The following DDC variants were observed in gnomAD, a reference collection of about 807,000 sequenced individuals.
DDC encodes aromatic-L-amino-acid decarboxylase.
Under a neutral mutation model 60.0 loss-of-function variants are expected in DDC, and 43 were observed. The ratio of observed to expected loss-of-function variants is 0.72; its 90% CI spans 0.56 to 0.92. The LOEUF is 0.92. Among genes scored for constraint, DDC ranks in the 40% least tolerant of loss-of-function variants. DDC has a pLI of 0.00. For missense variants in DDC, 573 were observed against 620.2 expected (o/e 0.92, Z 0.81); for synonymous variants, 232 against 234.6 (o/e 0.99, Z 0.10).
chr7:50,547,100 C>T (rs1465503777), intron 1 of DDC, among the ~76,000 whole-genome samples: 1 of 152,196 alleles, frequency 6.6e-6, no homozygotes, highest in Non-Finnish European at 1.5e-5. Flanking sequence ...ATTAATATGA[C>T]TCAAATTTTT....
At position 50,539,989 on chromosome 7, in the gene DDC, G is replaced by A; in HGVS notation, c.241C>T (p.Pro81Ser). The change falls in exon 3 of 15, where the codon CCC becomes TCC. Residue 81 changes from proline to serine, a missense_variant. Coordinates refer to ENST00000444124, the MANE Select transcript of DDC (RefSeq NM_001082971.2). ...ATGGCCGGGTACGAGCTGGCAGTGG[G>A]GAAGTAGGCGAAGAAGTAGGGGCTG... is the stretch of plus-strand genomic sequence containing the variant. Reference protein sequence around the residue: ...WHSPYFFAYFPTASSYPAMLA... With the variant: ...WHSPYFFAYFSTASSYPAMLA... 6.2e-7 allele frequency: 1 copy of A among 1,614,068 alleles called. No homozygotes were observed. Among genetic ancestry groups the A allele is most frequent in the African/African-American group, 1.3e-5 (1 of 75,058 alleles).
intron 9 of DDC, among the ~76,000 whole-genome samples, chr7:50,486,659 G>C (rs1351416968): frequency 1.3e-5 from 2 of 152,106 alleles, no homozygotes; most frequent in African/African-American, 4.8e-5. Flanking sequence ...GAATATGACT[G>C]ACTGTATTTG....
chr7:50,480,000 G>A lies in DDC; in HGVS notation c.945-137C>T, dbSNP rs543139468. On this transcript the variant is annotated intron_variant, in intron 9 of 14. Coordinates refer to ENST00000444124, the MANE Select transcript of DDC (RefSeq NM_001082971.2). ...AACACCACTCTGCCTGCACGGCCCT[G>A]TCTCTGCTCCAAGTACCTGGGGAGG... The A allele has an allele frequency of 7.0e-6, 5 of 709,798 alleles. No individual in the cohort carries two copies. In the East Asian group the frequency reaches 1.1e-4, roughly 15 times the overall value. The allele number at this position is 709,798 out of a possible 1,614,324, so 44.0% of individuals were successfully genotyped here.
chr7:50,482,288 T>C (rs538991347), intron 9 of DDC, among the ~76,000 whole-genome samples: 2 of 152,382 alleles, frequency 1.3e-5, no homozygotes, highest in African/African-American at 4.8e-5. Flanking sequence ...TTTACATTTC[T>C]GATTACTAAG....
intron 7 of DDC, among the ~76,000 whole-genome samples, chr7:50,503,346 C>T (rs563439271): frequency 1.3e-5 from 2 of 152,340 alleles, no homozygotes; most frequent in Admixed American, 6.5e-5. Context: ...CCCAGAGCTA[C>T]ATGTCAAAGG....
chr7:50,505,634 C>T (rs924714227), intron 6 of DDC, among the ~76,000 whole-genome samples: 6 of 152,232 alleles, frequency 3.9e-5, no homozygotes, highest in Non-Finnish European at 5.9e-5. Flanking sequence ...AGTCAGCCTG[C>T]AGAAGGTTCG....
intron 2 of DDC, among the ~76,000 whole-genome samples, chr7:50,541,794 CATTT>C (rs2044642777): frequency 6.6e-6 from 1 of 152,212 alleles, no homozygotes; most frequent in Admixed American, 6.5e-5. Context: ...GAGATGCAAA[CATTT>C]ATTTCTCAAT....
intron 9 of DDC, chr7:50,492,729 T>C: frequency 7.4e-7 from 1 of 1,360,062 alleles, no homozygotes; most frequent in Non-Finnish European, 9.5e-7. Context: ...CATCCCTGTG[T>C]GTCCTGTGTC....
chr7:50,500,823 G>C (rs1024149825), intron 7 of DDC, among the ~76,000 whole-genome samples: 6 of 152,210 alleles, frequency 3.9e-5, no homozygotes, highest in African/African-American at 1.4e-4. Context: ...TCAGCTTTGT[G>C]GAGGACTGTG....
At chr7:50,489,487 A>G (rs925302080) in intron 9 of DDC, among the ~76,000 whole-genome samples, 1 of 152,214 alleles carries the variant, frequency 6.6e-6, no homozygotes, top group African/African-American at 2.4e-5. Flanking sequence ...TCATTGTACT[A>G]TTACAGGACT....
chr7:50,535,529 G>A (rs936616949), intron 4 of DDC, among the ~76,000 whole-genome samples: 1 of 152,230 alleles, frequency 6.6e-6, no homozygotes, highest in Non-Finnish European at 1.5e-5. Context: ...GGAGGAGCAC[G>A]TGGAGGGATG....
At chr7:50,472,393 C>T (rs2042553603) in intron 11 of DDC, among the ~76,000 whole-genome samples, 1 of 152,190 alleles carries the variant, frequency 6.6e-6, no homozygotes, top group African/African-American at 2.4e-5. Context: ...TTTGATGCTT[C>T]CCGGACATCA....
At chr7:50,504,137 C>T in intron 6 of DDC, 78 bp from the exon 7 acceptor site, 1 of 999,318 alleles carries the variant, frequency 1.0e-6, no homozygotes, top group Non-Finnish European at 1.6e-6. Context: ...GCAACTGCTG[C>T]CCCATGGTCC....
intron 1 of DDC, among the ~76,000 whole-genome samples, chr7:50,548,796 AT>A (rs1235605559): frequency 1.3e-5 from 2 of 152,352 alleles, no homozygotes; most frequent in South Asian, 2.1e-4. Flanking sequence ...ATAGCCTTCT[AT>A]TGGAACAAGA....
At chr7:50,545,665 G>A (rs2044778837) in intron 1 of DDC, among the ~76,000 whole-genome samples, 1 of 152,116 alleles carries the variant, frequency 6.6e-6, no homozygotes. Context: ...TAGAGGCGGG[G>A]TTTCACCACA....
chr7:50,532,935 C>T (rs1173601374), intron 4 of DDC, among the ~76,000 whole-genome samples: 4 of 152,154 alleles, frequency 2.6e-5, no homozygotes, highest in African/African-American at 7.2e-5. Context: ...AGGTGATCAT[C>T]TTGGAAGATT....
intron 9 of DDC, 73 bp from the exon 10 acceptor site, chr7:50,479,936 C>A: frequency 8.2e-7 from 1 of 1,216,830 alleles, no homozygotes; most frequent in South Asian, 1.3e-5. Context: ...CCTCTCCCCA[C>A]CTGCCTCAGC....
chr7:50,558,431 C>G (rs941860934), intron 1 of DDC, among the ~76,000 whole-genome samples: 1 of 152,180 alleles, frequency 6.6e-6, no homozygotes, highest in African/African-American at 2.4e-5. Flanking sequence ...CAGCTGCTGG[C>G]CTGGGGCCTG....
chr7:50,529,452 T>C (rs2044135789), intron 4 of DDC, 110 bp from the exon 5 acceptor site: 3 of 1,342,296 alleles, frequency 2.2e-6, no homozygotes, highest in Middle Eastern at 1.8e-4. Flanking sequence ...AAAATATGAG[T>C]CTGAAATGGC....
Sources: gnomAD v4.1 joint callset for allele counts (sites outside exome capture counted in the v4.1 genomes callset) on GRCh38, gnomAD v4.1.1 for gene constraint, MANE v1.5 for transcripts, NCBI Gene and HGNC (gene_info 2026-07-23, HGNC 2026-07-21) for gene names.